Variants in TTC17 observed in about 807,000 individuals in gnomAD.
TTC17 encodes the protein tetratricopeptide repeat protein 17.
TTC17 carries 58 observed loss-of-function variants against 143.8 expected under a neutral mutation model. That is an observed-to-expected ratio of 0.40 (90% confidence interval 0.33 to 0.50). TTC17 has a LOEUF of 0.50. Ranked by LOEUF, TTC17 falls within the 20% of genes least tolerant of loss-of-function variation. The pLI is 0.49. For missense variants in TTC17, 1,273 were observed against 1,392.5 expected (o/e 0.91, Z 1.37); for synonymous variants, 501 against 497.8 (o/e 1.01, Z -0.09).
chr11:43,478,900 TAAC>T (rs1054557866), intron 21 of TTC17, among the ~76,000 whole-genome samples: 46 of 152,330 alleles, frequency 3.0e-4, no homozygotes, highest in African/African-American at 1.1e-3. Flanking sequence ...ATTACTGAGA[TAAC>T]AAGGTGTGAG....
At chr11:43,456,821 A>G (rs1371886933) in intron 21 of TTC17, among the ~76,000 whole-genome samples, 1 of 152,190 alleles carries the variant, frequency 6.6e-6, no homozygotes, top group Non-Finnish European at 1.5e-5. Flanking sequence ...AATCAAACAC[A>G]TGACCAGTTT....
Position 43,424,535 on chromosome 11 carries a change from C to T in TTC17, c.2251+9759C>T, listed in dbSNP as rs188201657. Among the ~76,000 whole-genome samples, 686 of 151,972 alleles carry T rather than the reference C, an allele frequency of 4.5e-3. 4 individuals are homozygous for T. The highest frequency in any genetic ancestry group is 0.016 in the African/African-American group (645 of 41,500). On this transcript the variant is annotated intron_variant, in intron 16 of 23. Coordinates refer to ENST00000039989, the MANE Select transcript of TTC17 (RefSeq NM_018259.6). ...CTGTAACCCCAGCACTTTGGGAGGC[C>T]GAGGCAGGCGGATCCCCTGAGGTCA... is the stretch of plus-strand genomic sequence containing the variant.
intron 16 of TTC17, among the ~76,000 whole-genome samples, chr11:43,431,147 C>G (rs1947149587): frequency 6.6e-6 from 1 of 152,072 alleles, no homozygotes; most frequent in Non-Finnish European, 1.5e-5. Context: ...GTATATGTGC[C>G]ACATTTTCTT....
intron 2 of TTC17, among the ~76,000 whole-genome samples, chr11:43,389,232 A>G (rs1464920206): frequency 6.6e-6 from 1 of 152,122 alleles, no homozygotes; most frequent in East Asian, 1.9e-4. Flanking sequence ...TTGTCTGTAC[A>G]TTTGAAAAAA....
chr11:43,463,504 G>A (rs1045960337), intron 21 of TTC17, among the ~76,000 whole-genome samples: 1 of 150,902 alleles, frequency 6.6e-6, no homozygotes, highest in Non-Finnish European at 1.5e-5. Context: ...AAATACCTTA[G>A]GCAATTTTTT....
chr11:43,379,329 C>G lies in TTC17; in HGVS notation c.249+7C>G, dbSNP rs1856875803. On this transcript the variant is annotated splice_region_variant and intron_variant, in intron 2 of 23. Coordinates refer to ENST00000039989, the MANE Select transcript of TTC17 (RefSeq NM_018259.6). ...CTACCTCAAAGAATTAGAGGTGAGG[C>G]AACTGGGCATGTGAGATGCAGCTGA... is the stretch of plus-strand genomic sequence containing the variant. 6.2e-7 allele frequency: 1 copy of G among 1,609,530 alleles called. No individual in the cohort carries two copies. The highest frequency in any genetic ancestry group is 1.7e-4 in the Middle Eastern group (1 of 6,046).
intron 1 of TTC17, among the ~76,000 whole-genome samples, chr11:43,372,407 A>G (rs904397967): frequency 7.2e-5 from 11 of 151,802 alleles, no homozygotes; most frequent in African/African-American, 2.7e-4. Flanking sequence ...GCTTCAAGCT[A>G]TTCTCCTGCC....
intron 16 of TTC17, chr11:43,435,104 T>TAGAC (rs1170962143): frequency 2.8e-4 from 42 of 152,012 alleles, no homozygotes; most frequent in Admixed American, 2.4e-3. Context: ...GATAGATAGA[T>TAGAC]AGATAGATAG....
chr11:43,482,630 T>G (rs1271593533), intron 21 of TTC17, among the ~76,000 whole-genome samples: 8 of 152,158 alleles, frequency 5.3e-5, no homozygotes, highest in Admixed American at 5.2e-4. Context: ...ATGCTTCATG[T>G]GCACTAGAAA....
chr11:43,493,164 G>A (rs1285080568), intron 23 of TTC17, among the ~76,000 whole-genome samples: 1 of 152,180 alleles, frequency 6.6e-6, no homozygotes, highest in African/African-American at 2.4e-5. Context: ...GTAGATTTGG[G>A]CTCTTCTTTT....
intron 21 of TTC17, among the ~76,000 whole-genome samples, chr11:43,458,730 G>A (rs1017604550): frequency 8.6e-5 from 13 of 152,014 alleles, no homozygotes; most frequent in African/African-American, 2.7e-4. Context: ...CTGTGGTTTC[G>A]CTTTCCACAG....
chr11:43,458,174 G>T (rs7111767), intron 21 of TTC17, among the ~76,000 whole-genome samples: 3 of 152,060 alleles, frequency 2.0e-5, no homozygotes, highest in Admixed American at 2.0e-4. Flanking sequence ...CTGATCTCAC[G>T]TGAAGTCACT....
chr11:43,452,507 TAATGAATGAATG>T (rs559203246), intron 21 of TTC17, among the ~76,000 whole-genome samples: 1 of 148,724 alleles, frequency 6.7e-6, no homozygotes, highest in Non-Finnish European at 1.5e-5. Context: ...TCTCAATAAA[TAATGAATGAATG>T]AATGAATGAA....
At chr11:43,493,743 C>T (rs1948511318) in intron 23 of TTC17, 30 bp from the exon 24 acceptor site, 1 of 1,613,756 alleles carries the variant, frequency 6.2e-7, no homozygotes, top group South Asian at 1.1e-5. Flanking sequence ...TGGTGCCATC[C>T]CCTCACATTT....
At chr11:43,376,448 G>A (rs1856766744) in intron 1 of TTC17, among the ~76,000 whole-genome samples, 1 of 152,052 alleles carries the variant, frequency 6.6e-6, no homozygotes, top group African/African-American at 2.4e-5. Context: ...TACAATTCAG[G>A]TTATTATTTG....
At chr11:43,439,493 A>C (rs936426019) in intron 16 of TTC17, among the ~76,000 whole-genome samples, 1 of 123,648 alleles carries the variant, frequency 8.1e-6, no homozygotes, top group Non-Finnish European at 1.6e-5. Context: ...TTTGAGATGG[A>C]GTCTTGCTGT....
chr11:43,478,910 T>C (rs1368947006), intron 21 of TTC17, among the ~76,000 whole-genome samples: 2 of 152,294 alleles, frequency 1.3e-5, no homozygotes, highest in African/African-American at 4.8e-5. Flanking sequence ...TAACAAGGTG[T>C]GAGCCACCGC....
intron 2 of TTC17, among the ~76,000 whole-genome samples, chr11:43,380,673 A>G (rs1293915735): frequency 6.6e-6 from 1 of 152,244 alleles, no homozygotes. Flanking sequence ...ACAAATAGTT[A>G]TAAATATGTA....
chr11:43,408,663 T>G (rs541634513), intron 15 of TTC17, among the ~76,000 whole-genome samples: 10 of 152,204 alleles, frequency 6.6e-5, no homozygotes, highest in Non-Finnish European at 1.5e-4. Flanking sequence ...CATACTAAAA[T>G]TTTAGTTGTT....
Sources: allele counts gnomAD v4.1 joint callset (sites outside exome capture counted in the v4.1 genomes callset), GRCh38; gene constraint gnomAD v4.1.1; transcripts MANE v1.5; gene names NCBI Gene and HGNC (gene_info 2026-07-23, HGNC 2026-07-21).